The following RUFY1 variants were observed in gnomAD, a reference collection of about 807,000 sequenced individuals.
RUFY1 encodes RUN and FYVE domain containing 1, also known as RUN and FYVE domain-containing protein 1.
RUFY1 carries 54 observed loss-of-function variants against 94.6 expected under a neutral mutation model. The observed-to-expected ratio is 0.57, with a 90% CI of 0.46 to 0.72. The LOEUF (loss-of-function observed/expected upper bound fraction) is 0.72. Among genes scored for constraint, RUFY1 ranks in the 30% least tolerant of loss-of-function variants. The probability of loss-of-function intolerance (pLI) is 0.00; values close to 1 mark genes in which losing one functional copy is unlikely to be tolerated. For missense variants in RUFY1, 883 were observed against 883.9 expected, an observed-to-expected ratio of 1.00 and a Z score of 0.01; for synonymous variants, 396 against 347.3, an observed-to-expected ratio of 1.14 and a Z score of -1.56.
intron 3 of RUFY1, among the ~76,000 whole-genome samples, chr5:179,566,913 G>A (rs536364801): frequency 1.4e-3 from 209 of 152,082 alleles, no homozygotes; most frequent in African/African-American, 5.0e-3. Context: ...AATTAGCCAG[G>A]TGTGGTGATG....
At chr5:179,608,644 T>G in intron 17 of RUFY1, 2 of 985,276 alleles carry the variant, frequency 2.0e-6, no homozygotes, top group Non-Finnish European at 2.4e-6. Context: ...AAAACACCCT[T>G]AGGCCGGGCA....
At chr5:179,609,152 A>C (rs1581587112) in intron 17 of RUFY1, among the ~76,000 whole-genome samples, 1 of 144,054 alleles carries the variant, frequency 6.9e-6, no homozygotes, top group East Asian at 2.2e-4. Flanking sequence ...GCTTGCAGTG[A>C]GCTGAGATCG....
chr5:179,558,767 C>G (rs1581419727), intron 1 of RUFY1, among the ~76,000 whole-genome samples: 1 of 152,024 alleles, frequency 6.6e-6, no homozygotes. Flanking sequence ...AAGACCTTTA[C>G]TACAAGTTCA....
chr5:179,580,395 A>G (rs1353564215), intron 6 of RUFY1, among the ~76,000 whole-genome samples: 1 of 151,506 alleles, frequency 6.6e-6, no homozygotes, highest in Non-Finnish European at 1.5e-5. Flanking sequence ...GGCGCCCGCC[A>G]CCACGCCCGG....
intron 7 of RUFY1, among the ~76,000 whole-genome samples, chr5:179,585,045 C>G (rs1419257429): frequency 6.6e-6 from 1 of 151,956 alleles, no homozygotes; most frequent in Non-Finnish European, 1.5e-5. Context: ...GCAGGAGAAT[C>G]ACCTGAACCC....
At chr5:179,559,004 A>G (rs1012407727) in intron 1 of RUFY1, among the ~76,000 whole-genome samples, 4 of 152,218 alleles carry the variant, frequency 2.6e-5, no homozygotes, top group Non-Finnish European at 5.9e-5. Context: ...AATAAACAGA[A>G]GTTATTTAAC....
Position 179,580,951 on chromosome 5 carries a change from GA to G in RUFY1, c.898del (p.Arg300GlufsTer19). 1 of 1,596,358 alleles carries G rather than the reference GA, an allele frequency of 6.3e-7. No homozygotes were observed. Among genetic ancestry groups the G allele is most frequent in the Non-Finnish European group, 8.6e-7 (1 of 1,167,822 alleles). On this transcript the variant is annotated frameshift_variant, in exon 7 of 18. Coordinates refer to ENST00000319449, the MANE Select transcript of RUFY1 (RefSeq NM_025158.5). LOFTEE classifies it high-confidence loss of function. ...VQDLDGGKEH[E>X]RITDVLDQKN... The stretch of plus-strand genomic sequence containing the variant: ...TTCTTATGCTCCTTTTAAAAGGCAT[GA>G]AAGAATTACTGATGTCCTTGATCAA...
At chr5:179,607,763 G>A (rs67550210) in intron 17 of RUFY1, 104 bp downstream of exon 17, 83,646 of 980,522 alleles carry the variant, frequency 0.085, 3,931 homozygotes, top group South Asian at 0.12. Flanking sequence ...CTCACTGCCC[G>A]GTGACTGTGC....
intron 13 of RUFY1, chr5:179,598,225 A>C (rs1765881428): frequency 6.4e-6 from 1 of 157,382 alleles, no homozygotes; most frequent in South Asian, 1.8e-4. Flanking sequence ...TTGGCCAGTG[A>C]GGTGGCTCAT....
At chr5:179,572,899 G>A (rs1273319648) in intron 5 of RUFY1, among the ~76,000 whole-genome samples, 1 of 152,106 alleles carries the variant, frequency 6.6e-6, no homozygotes, top group Admixed American at 6.6e-5. Flanking sequence ...CACTTTATGT[G>A]TAAAAAATGT....
At chr5:179,607,753 C>G in intron 17 of RUFY1, 94 bp downstream of exon 17, 1 of 1,091,518 alleles carries the variant, frequency 9.2e-7, no homozygotes, top group South Asian at 1.3e-5. Context: ...TCAGAGCAGG[C>G]TCACTGCCCG....
At chr5:179,586,575 C>T (rs1764620353) in intron 8 of RUFY1, 1 of 386,118 alleles carries the variant, frequency 2.6e-6, no homozygotes, top group Non-Finnish European at 5.2e-6. Context: ...TGGGTTACAG[C>T]AGAGAAGAGA....
chr5:179,563,978 A>G (rs1442240397), intron 3 of RUFY1, among the ~76,000 whole-genome samples: 1 of 151,082 alleles, frequency 6.6e-6, no homozygotes, highest in African/African-American at 2.4e-5. Flanking sequence ...GGCCTTAATG[A>G]CCTTTTTCAT....
At chr5:179,600,411 A>G (rs189911857) in intron 14 of RUFY1, among the ~76,000 whole-genome samples, 1 of 152,158 alleles carries the variant, frequency 6.6e-6, no homozygotes, top group African/African-American at 2.4e-5. Context: ...AGGGCTCCTC[A>G]CATGGTCTAG....
intron 17 of RUFY1, among the ~76,000 whole-genome samples, chr5:179,608,850 G>A (rs1174299048): frequency 6.6e-6 from 1 of 150,528 alleles, no homozygotes; most frequent in East Asian, 2.0e-4. Context: ...AGAATCGCTT[G>A]AACCCAGGTG....
intron 9 of RUFY1, chr5:179,590,845 T>C (rs1765020082): frequency 6.6e-6 from 1 of 151,702 alleles, no homozygotes; most frequent in South Asian, 2.1e-4. Context: ...GTAACTTTTT[T>C]TTTTTTTGGA....
At chr5:179,555,621 CTTTTTTTTTTTTT>C in intron 1 of RUFY1, 1 of 247,572 alleles carries the variant, frequency 4.0e-6, no homozygotes, top group Non-Finnish European at 7.3e-6. Context: ...AAACTCCCAA[CTTTTTTTTTTTTT>C]TTTTTTTTTT....
intron 4 of RUFY1, among the ~76,000 whole-genome samples, chr5:179,568,487 A>G (rs779941294): frequency 2.4e-4 from 37 of 152,226 alleles, no homozygotes; most frequent in Non-Finnish European, 4.6e-4. Context: ...ATTGTCGAAC[A>G]TATCTTTACA....
At chr5:179,554,193 A>G (rs533944395) in intron 1 of RUFY1, among the ~76,000 whole-genome samples, 1 of 152,204 alleles carries the variant, frequency 6.6e-6, no homozygotes, top group Admixed American at 6.5e-5. Context: ...TATTTTTTCA[A>G]TGGTAGAAGC....
Sources: allele counts gnomAD v4.1 joint callset (sites outside exome capture counted in the v4.1 genomes callset), GRCh38; gene constraint gnomAD v4.1.1; transcripts MANE v1.5; gene names NCBI Gene and HGNC (gene_info 2026-07-23, HGNC 2026-07-21).